Variants in ZNF830 observed in about 807,000 individuals in gnomAD.
ZNF830 encodes zinc finger protein 830.
A neutral mutation model predicts 28.1 loss-of-function variants in ZNF830; 15 were observed. The observed-to-expected ratio is 0.53, with a 90% CI of 0.36 to 0.82. The LOEUF (loss-of-function observed/expected upper bound fraction) is 0.82. Among genes scored for constraint, ZNF830 ranks in the 40% least tolerant of loss-of-function variants. The pLI, the probability that ZNF830 is intolerant of heterozygous loss-of-function variation, is 0.01. For synonymous variants in ZNF830, 208 were observed against 185.3 expected (o/e 1.12, Z -0.99); for missense variants, 456 against 467.7 (o/e 0.97, Z 0.23).
chr17:34,961,918 G>T lies in ZNF830; in HGVS notation c.352G>T (p.Ala118Ser), dbSNP rs747521016. The T allele has an allele frequency of 6.2e-7, 1 of 1,614,176 alleles. No individual in the cohort carries two copies. The highest frequency in any genetic ancestry group is 1.7e-5 in the Admixed American group (1 of 60,018). ...CGACCAAGATGTCAAGAGAGCGAAG[G>T]CCACCTTGGTGCCTCAGGTACAGCC... ...ADDQDVKRAK[A>S]TLVPQVQPST... Residue 118 changes from alanine (A) to serine (S), a missense_variant, in exon 1 of 1, where the codon GCC becomes TCC. By Grantham distance (99) the Ala-to-Ser change is moderately conservative. Coordinates refer to ENST00000361952, the MANE Select transcript of ZNF830 (RefSeq NM_052857.4).
At position 34,962,049 on chromosome 17, in the gene ZNF830, T is replaced by C; in HGVS notation, c.483T>C (p.Asp161=). The C allele has an allele frequency of 1.9e-6, 3 of 1,612,980 alleles. No individual in the cohort carries two copies. Among genetic ancestry groups the C allele is most frequent in the Non-Finnish European group, 2.5e-6 (3 of 1,179,648 alleles). ...SGLSLLPDYE[D]EEEEEEEEEG... is the part of the protein sequence containing the mutation. ...TCAGTTTACTCCCCGATTATGAAGATGAGGAGGAGGAGGAAGAGGAGGAGG... is the reference window on the plus strand; with the variant it reads ...TCAGTTTACTCCCCGATTATGAAGACGAGGAGGAGGAGGAAGAGGAGGAGG... Residue 161 remains aspartate (D), a synonymous_variant, in exon 1 of 1, where the codon GAT becomes GAC. Coordinates refer to ENST00000361952, the MANE Select transcript of ZNF830 (RefSeq NM_052857.4).
rs921058004 is a variant in ZNF830, at chr17:34,962,104, G to T, written c.538G>T (p.Ala180Ser). The change falls in exon 1 of 1, where the codon GCC becomes TCC. Residue 180 changes from alanine (A) to serine (S), a missense_variant. By Grantham distance (99) the Ala-to-Ser change is moderately conservative (BLOSUM62 1). Transcript: ENST00000361952. ...AGATGGAGAAAGAAAAAGGGGGGAC[G>T]CCAGCAAGCCGCTCTCCGACGCACA... Reference protein sequence around the residue: ...EGDGERKRGDASKPLSDAQGK... With the variant: ...EGDGERKRGDSSKPLSDAQGK... 6.2e-7 allele frequency: 1 copy of T among 1,613,890 alleles called. No individual in the cohort carries two copies. The highest frequency in any genetic ancestry group is 1.1e-5 in the South Asian group (1 of 91,072).
Position 34,962,070 on chromosome 17 carries a change from G to A in ZNF830, c.504G>A (p.Glu168=), listed in dbSNP as rs2142194698. ...AAGATGAGGAGGAGGAGGAAGAGGA[G>A]GAGGAAGGAGATGGAGAAAGAAAAA... ...DYEDEEEEEE[E]EEGDGERKRG... Residue 168 remains glutamate (E), a synonymous_variant, in exon 1 of 1, where the codon GAG becomes GAA. Transcript: ENST00000361952. 6.2e-7 allele frequency: 1 copy of A among 1,614,092 alleles called. No individual in the cohort carries two copies. The highest frequency in any genetic ancestry group is 2.2e-5 in the East Asian group (1 of 44,882).
In ZNF830 at chr17:34,961,828, G is replaced by C. The variant is rs1418518427; in HGVS notation, c.262G>C (p.Ala88Pro). Residue 88 changes from alanine to proline, a missense_variant, in exon 1 of 1, where the codon GCC (alanine) becomes CCC (proline). By Grantham distance (27) the Ala-to-Pro change is conservative. Coordinates refer to ENST00000361952, the MANE Select transcript of ZNF830 (RefSeq NM_052857.4). ...GGCCGAGCTGAAAGGCGCGAAGGAA[G>C]CCAGCCAGGGTTCGTCCGCCAGTTC... ...KVAELKGAKE[A>P]SQGSSASSAP... is the part of the protein sequence containing the mutation. The C allele has an allele frequency of 1.9e-6, 3 of 1,613,998 alleles. No homozygotes were observed. Among genetic ancestry groups the C allele is most frequent in the African/African-American group, 1.3e-5 (1 of 75,018 alleles).
Position 34,962,849 on chromosome 17 carries a change from T to G in ZNF830, c.*164T>G, listed in dbSNP as rs2090435359. The G allele has an allele frequency of 4.8e-6, 6 of 1,258,144 alleles. No homozygotes were observed. The highest frequency in any genetic ancestry group is 6.3e-6 in the Non-Finnish European group (6 of 958,028). 77.9% of individuals were successfully genotyped at this position (1,258,144 alleles called of 1,614,324 possible). On this transcript the variant is annotated 3_prime_UTR_variant, in exon 1 of 1. Transcript: ENST00000361952. Reference sequence around the variant, plus strand: ...AGTGAGCTACAGCACTTTGGAAAATTTGTGTAACATGTTTTTGAGGTAAAG... The same window carrying G: ...AGTGAGCTACAGCACTTTGGAAAATGTGTGTAACATGTTTTTGAGGTAAAG...
In ZNF830 at chr17:34,962,272, G is replaced by C. The variant is rs1044128783; in HGVS notation, c.706G>C (p.Val236Leu). Residue 236 changes from valine to leucine, a missense_variant, in exon 1 of 1, where the codon GTG (valine) becomes CTG (leucine). Physicochemically the swap from Val to Leu is conservative, Grantham distance 32. Coordinates refer to ENST00000361952, the MANE Select transcript of ZNF830 (RefSeq NM_052857.4). ...IEKAEIHEKV[V>L]ERRENTAEAL... ...GAAAGCAGAAATACATGAAAAAGTG[G>C]TGGAAAGGAGAGAAAACACCGCGGA... The C allele has an allele frequency of 6.2e-7, 1 of 1,613,946 alleles. No homozygotes were observed. The highest frequency in any genetic ancestry group is 1.1e-5 in the South Asian group (1 of 91,090).
In ZNF830 at chr17:34,962,487, G is replaced by A. The variant is rs1414661974; in HGVS notation, c.921G>A (p.Glu307=). 6.2e-7 allele frequency: 1 copy of A among 1,614,200 alleles called. No individual in the cohort carries two copies. The highest frequency in any genetic ancestry group is 8.5e-7 in the Non-Finnish European group (1 of 1,180,040). ...GACGGTTGGACCGCCAGATTGGGGA[G>A]ATCGATGAGCAGATAGAGTGTTACC... is the stretch of plus-strand genomic sequence containing the variant. ...EEGRLDRQIG[E]IDEQIECYRR... is the part of the protein sequence containing the mutation. Residue 307 remains glutamate, a synonymous_variant, in exon 1 of 1, where the codon GAG becomes GAA. Coordinates refer to ENST00000361952, the MANE Select transcript of ZNF830 (RefSeq NM_052857.4).
At position 34,961,588 on chromosome 17, in the gene ZNF830, C is replaced by G. The variant is rs776290309; in HGVS notation, c.22C>G (p.Arg8Gly). ...CAAGATGGCGTCCTCCGCCTCCGCC[C>G]GGACTCCGGCAGGGAAGCGAGTGAT... MASSASA[R>G]TPAGKRVINQ... The change falls in exon 1 of 1, where the codon CGG becomes GGG. Residue 8 changes from arginine to glycine, a missense_variant. By Grantham distance (125) the Arg-to-Gly change is moderately radical. Transcript: ENST00000361952. 5 of 1,613,814 alleles carry G rather than the reference C, an allele frequency of 3.1e-6. No homozygotes were observed. In the South Asian group the frequency reaches 3.3e-5, roughly 11 times the overall value.
Position 34,961,874 on chromosome 17 carries a change from G to A in ZNF830, c.308G>A (p.Arg103Lys). 1 of 1,614,090 alleles carries A rather than the reference G, an allele frequency of 6.2e-7. No homozygotes were observed. The highest frequency in any genetic ancestry group is 8.5e-7 in the Non-Finnish European group (1 of 1,180,002). Reference protein sequence around the residue: ...SASSAPHSVKRKAPDADDQDV... With the variant: ...SASSAPHSVKKKAPDADDQDV... ...AGTTCAGCGCCTCATTCCGTCAAGA[G>A]GAAAGCGCCGGACGCAGACGACCAA... The change falls in exon 1 of 1, where the codon AGG (arginine) becomes AAG (lysine). Residue 103 changes from arginine to lysine, a missense_variant. By Grantham distance (26) the Arg-to-Lys change is conservative. This residue lies in a region of ZNF830 where 331 missense variants were observed against 290.1 expected (regional missense o/e 1.14). Coordinates refer to ENST00000361952, the MANE Select transcript of ZNF830 (RefSeq NM_052857.4).
Position 34,962,114 on chromosome 17 carries a change from C to T in ZNF830, c.548C>T (p.Pro183Leu), listed in dbSNP as rs1288526826. ...AGAAAAAGGGGGGACGCCAGCAAGCCGCTCTCCGACGCACAGGGCAAGGAG... is the reference window on the plus strand; with the variant it reads ...AGAAAAAGGGGGGACGCCAGCAAGCTGCTCTCCGACGCACAGGGCAAGGAG... ...GERKRGDASKPLSDAQGKEHS... is the reference protein window; with the variant it reads ...GERKRGDASKLLSDAQGKEHS... Residue 183 changes from proline (P) to leucine (L), a missense_variant, in exon 1 of 1, where the codon CCG becomes CTG. Transcript: ENST00000361952. 1.2e-6 allele frequency: 2 copies of T among 1,614,106 alleles called. No individual in the cohort carries two copies. The highest frequency in any genetic ancestry group is 3.3e-5 in the Admixed American group (2 of 60,016).
chr17:34,962,221 A>G lies in ZNF830; in HGVS notation c.655A>G (p.Ile219Val). 7.4e-6 allele frequency: 12 copies of G among 1,614,000 alleles called. No individual in the cohort carries two copies. The highest frequency in any genetic ancestry group is 1.0e-5 in the Non-Finnish European group (12 of 1,180,040). ...TAGTACTAATCCTCCCAAGGCCCCC[A>G]TAATTCCTCATTCAGGGTCAATTGA... ...FFSTNPPKAPIIPHSGSIEKA... is the reference protein window; with the variant it reads ...FFSTNPPKAPVIPHSGSIEKA... The change falls in exon 1 of 1, where the codon ATA becomes GTA. Residue 219 changes from isoleucine to valine, a missense_variant. Ile to Val is a conservative substitution (Grantham distance 29, BLOSUM62 3). Around this residue, in one of 2 missense-constraint regions of ZNF830, gnomAD observed 331 missense variants for 290.1 expected, o/e 1.14. Coordinates refer to ENST00000361952, the MANE Select transcript of ZNF830 (RefSeq NM_052857.4).
chr17:34,961,787 A>T lies in ZNF830; in HGVS notation c.221A>T (p.Gln74Leu), dbSNP rs1214166743. The change falls in exon 1 of 1, where the codon CAG becomes CTG. Residue 74 changes from glutamine (Q) to leucine (L), a missense_variant. This residue lies in a region of ZNF830 where 331 missense variants were observed against 290.1 expected (regional missense o/e 1.14). Coordinates refer to ENST00000361952, the MANE Select transcript of ZNF830 (RefSeq NM_052857.4). ...TGGCAGACTCACGTCCTGGGAAAGC[A>T]GCACCGAGAGAAAGTGGCCGAGCTG... ...LLWQTHVLGK[Q>L]HREKVAELKG... 1.2e-6 allele frequency: 2 copies of T among 1,613,964 alleles called. No homozygotes were observed. The highest frequency in any genetic ancestry group is 2.7e-5 in the African/African-American group (2 of 74,936).
Position 34,962,687 on chromosome 17 carries a change from G to T in ZNF830, c.*2G>T. The T allele has an allele frequency of 1.3e-6, 2 of 1,573,084 alleles. No homozygotes were observed. Among genetic ancestry groups the T allele is most frequent in the Non-Finnish European group, 1.7e-6 (2 of 1,164,962 alleles). The stretch of plus-strand genomic sequence containing the variant: ...AGGGTGAAAGGGGCATTGTTATAGG[G>T]TTTTAAAGACCCAAGGTTTCTAACA... On this transcript the variant is annotated 3_prime_UTR_variant, in exon 1 of 1. Transcript: ENST00000361952.
chr17:34,961,566 G>A lies in ZNF830; in HGVS notation c.-1G>A, dbSNP rs768592684. The A allele has an allele frequency of 1.9e-5, 31 of 1,613,172 alleles. No individual in the cohort carries two copies. The Middle Eastern group carries it at 4.9e-4, about 26-fold the overall frequency. Reference sequence around the variant, plus strand: ...GAATCGTTTTGGGTCTGGTCGCCAAGATGGCGTCCTCCGCCTCCGCCCGGA... The same window carrying A: ...GAATCGTTTTGGGTCTGGTCGCCAAAATGGCGTCCTCCGCCTCCGCCCGGA... On this transcript the variant is annotated 5_prime_UTR_variant, in exon 1 of 1. Transcript: ENST00000361952.
rs771693404 is a variant in ZNF830, at chr17:34,962,433, A to T, written c.867A>T (p.Glu289Asp). ...KAMRQVNTIS[E>D]AIVAEEDEEG... ...TGAGGCAGGTCAACACTATTTCCGA[A>T]GCCATAGTTGCCGAAGAGGATGAGG... The change falls in exon 1 of 1, where the codon GAA becomes GAT. Residue 289 changes from glutamate (E) to aspartate (D), a missense_variant. Around this residue, in one of 2 missense-constraint regions of ZNF830, gnomAD observed 125 missense variants for 177.7 expected, o/e 0.70. Coordinates refer to ENST00000361952, the MANE Select transcript of ZNF830 (RefSeq NM_052857.4). The T allele has an allele frequency of 6.2e-7, 1 of 1,614,248 alleles. No homozygotes were observed. Among genetic ancestry groups the T allele is most frequent in the South Asian group, 1.1e-5 (1 of 91,080 alleles).
At position 34,961,812 on chromosome 17, in the gene ZNF830, G is replaced by C. The variant is rs369467017; in HGVS notation, c.246G>C (p.Leu82=). 5 of 1,613,914 alleles carry C rather than the reference G, an allele frequency of 3.1e-6. No homozygotes were observed. The African/African-American group carries it at 6.7e-5, about 22-fold the overall frequency. The change falls in exon 1 of 1, where the codon CTG becomes CTC. Residue 82 remains leucine, a synonymous_variant. Coordinates refer to ENST00000361952, the MANE Select transcript of ZNF830 (RefSeq NM_052857.4). ...GKQHREKVAE[L]KGAKEASQGS... ...AGCACCGAGAGAAAGTGGCCGAGCT[G>C]AAAGGCGCGAAGGAAGCCAGCCAGG...
Position 34,962,052 on chromosome 17 carries a change from G to A in ZNF830, c.486G>A (p.Glu162=), listed in dbSNP as rs372617935. 1 of 1,605,010 alleles carries A rather than the reference G, an allele frequency of 6.2e-7. No homozygotes were observed. The highest frequency in any genetic ancestry group is 1.4e-5 in the African/African-American group (1 of 72,962). ...GTTTACTCCCCGATTATGAAGATGA[G>A]GAGGAGGAGGAAGAGGAGGAGGAAG... ...GLSLLPDYED[E]EEEEEEEEGD... is the part of the protein sequence containing the mutation. The change falls in exon 1 of 1, where the codon GAG becomes GAA. Residue 162 remains glutamate (E), a synonymous_variant. Coordinates refer to ENST00000361952, the MANE Select transcript of ZNF830 (RefSeq NM_052857.4).
Position 34,962,420 on chromosome 17 carries a change from A to G in ZNF830, c.854A>G (p.Asn285Ser). Residue 285 changes from asparagine (N) to serine (S), a missense_variant, in exon 1 of 1, where the codon AAC (asparagine) becomes AGC (serine). This residue lies in a region of ZNF830 where 125 missense variants were observed against 177.7 expected (regional missense o/e 0.70). Coordinates refer to ENST00000361952, the MANE Select transcript of ZNF830 (RefSeq NM_052857.4). ...TTCCAAAAAGCCATGAGGCAGGTCAACACTATTTCCGAAGCCATAGTTGCC... is the reference window on the plus strand; with the variant it reads ...TTCCAAAAAGCCATGAGGCAGGTCAGCACTATTTCCGAAGCCATAGTTGCC... ...DEFQKAMRQV[N>S]TISEAIVAEE... is the part of the protein sequence containing the mutation. 1 of 1,614,230 alleles carries G rather than the reference A, an allele frequency of 6.2e-7. No homozygotes were observed. Among genetic ancestry groups the G allele is most frequent in the Non-Finnish European group, 8.5e-7 (1 of 1,180,038 alleles).
Position 34,961,554 on chromosome 17 carries a change from T to G in ZNF830, c.-13T>G, listed in dbSNP as rs753281152. On this transcript the variant is annotated 5_prime_UTR_variant, in exon 1 of 1. Transcript: ENST00000361952. Reference sequence around the variant, plus strand: ...CGACGGAAACCAGAATCGTTTTGGGTCTGGTCGCCAAGATGGCGTCCTCCG... The same window carrying G: ...CGACGGAAACCAGAATCGTTTTGGGGCTGGTCGCCAAGATGGCGTCCTCCG... 6.2e-7 allele frequency: 1 copy of G among 1,611,852 alleles called. No individual in the cohort carries two copies. Among genetic ancestry groups the G allele is most frequent in the Non-Finnish European group, 8.5e-7 (1 of 1,178,548 alleles).
Sources: gnomAD v4.1 joint callset for allele counts on GRCh38, gnomAD v4.1.1 for gene constraint, gnomAD v4.1.1 regional missense constraint, MANE v1.5 for transcripts, NCBI Gene and HGNC (gene_info 2026-07-23, HGNC 2026-07-21) for gene names.